DLC1: variants seen among roughly 807,000 people sequenced by gnomAD.
The protein encoded by DLC1 is DLC1 Rho GTPase activating protein.
Under a neutral mutation model 140.3 loss-of-function variants are expected in DLC1, and 54 were observed. That is an observed-to-expected ratio of 0.38 (90% confidence interval 0.31 to 0.48). The LOEUF (loss-of-function observed/expected upper bound fraction) is 0.48, where lower values mean the gene tolerates loss of function less well. Ranked by LOEUF, DLC1 falls within the 20% of genes least tolerant of loss-of-function variation. DLC1 has a pLI of 0.96. For synonymous variants in DLC1, 986 were observed against 728.1 expected (o/e 1.35, Z -5.70); for missense variants, 2,536 against 1,907.0 (o/e 1.33, Z -6.14).
intron 2 of DLC1, among the ~76,000 whole-genome samples, chr8:13,403,257 G>C (rs1585047734): frequency 6.6e-6 from 1 of 152,094 alleles, no homozygotes; most frequent in African/African-American, 2.4e-5. Flanking sequence ...TCTTATAAAG[G>C]GGTCCATGAT....
At chr8:13,227,237 T>C (rs1400118196) in intron 5 of DLC1, among the ~76,000 whole-genome samples, 1 of 152,126 alleles carries the variant, frequency 6.6e-6, no homozygotes, top group African/African-American at 2.4e-5. Flanking sequence ...AAGTGTAGTC[T>C]CACCTAGTGA....
chr8:13,370,188 G>A (rs2117113324), intron 4 of DLC1, among the ~76,000 whole-genome samples: 2 of 151,932 alleles, frequency 1.3e-5, no homozygotes, highest in South Asian at 4.2e-4. Context: ...ATTCTTCCTA[G>A]AGCATATCAT....
intron 5 of DLC1, among the ~76,000 whole-genome samples, chr8:13,195,697 T>G (rs191069266): frequency 6.6e-6 from 1 of 152,326 alleles, no homozygotes; most frequent in Admixed American, 6.5e-5. Flanking sequence ...CAGAAGATTA[T>G]TTTCTAACAT....
At chr8:13,413,462 C>T (rs999829410) in intron 2 of DLC1, among the ~76,000 whole-genome samples, 1 of 148,594 alleles carries the variant, frequency 6.7e-6, no homozygotes, top group African/African-American at 2.5e-5. Flanking sequence ...CAGACACATC[C>T]AATGCAAAAT....
chr8:13,185,292 G>T (rs13268615), intron 5 of DLC1, among the ~76,000 whole-genome samples: 45,832 of 109,406 alleles, frequency 0.42, 8,191 homozygotes, highest in East Asian at 0.61. Context: ...TGTTTTTTTT[G>T]TTTGTTTGTT....
At chr8:13,423,307 A>G (rs1400262190) in intron 2 of DLC1, among the ~76,000 whole-genome samples, 1 of 152,142 alleles carries the variant, frequency 6.6e-6, no homozygotes, top group Non-Finnish European at 1.5e-5. Flanking sequence ...TCTTCCTGTG[A>G]TCCCTACTAC....
intron 5 of DLC1, among the ~76,000 whole-genome samples, chr8:13,132,343 T>A (rs1375793048): frequency 6.7e-6 from 1 of 150,248 alleles, no homozygotes; most frequent in Non-Finnish European, 1.5e-5. Context: ...CCTGGCCAGG[T>A]CTGAGTTAAT....
intron 1 of DLC1, among the ~76,000 whole-genome samples, chr8:13,591,204 T>A (rs1805502865): frequency 6.6e-6 from 1 of 152,122 alleles, no homozygotes. Flanking sequence ...GAAAAATGAT[T>A]ATCACACTCA....
At chr8:13,467,623 T>C (rs1171733736) in intron 2 of DLC1, among the ~76,000 whole-genome samples, 1 of 151,998 alleles carries the variant, frequency 6.6e-6, no homozygotes, top group Non-Finnish European at 1.5e-5. Context: ...CCCAGCTACT[T>C]GGGAGGTTGA....
chr8:13,137,909 T>C (rs1319809267), intron 5 of DLC1, among the ~76,000 whole-genome samples: 1 of 152,064 alleles, frequency 6.6e-6, no homozygotes, highest in South Asian at 2.1e-4. Context: ...GACATCACTT[T>C]CTTGGAGACT....
At chr8:13,445,019 A>G (rs1242675109) in intron 2 of DLC1, among the ~76,000 whole-genome samples, 1 of 152,068 alleles carries the variant, frequency 6.6e-6, no homozygotes. Context: ...GAAAGGTAGG[A>G]GAGACAGAGA....
intron 5 of DLC1, among the ~76,000 whole-genome samples, chr8:13,270,733 C>G (rs148142189): frequency 0.013 from 1,998 of 152,176 alleles, 14 homozygotes; most frequent in East Asian, 0.037. Context: ...TTTACCTTTT[C>G]TTTTCTTTTT....
intron 5 of DLC1, among the ~76,000 whole-genome samples, chr8:13,237,518 G>T (rs1254657870): frequency 6.6e-6 from 1 of 151,722 alleles, no homozygotes; most frequent in African/African-American, 2.4e-5. Flanking sequence ...TTGCATGGAT[G>T]GCTTCTTTAT....
chr8:13,196,229 C>T (rs909493450), intron 5 of DLC1, among the ~76,000 whole-genome samples: 1 of 151,848 alleles, frequency 6.6e-6, no homozygotes, highest in African/African-American at 2.4e-5. Flanking sequence ...CAACTTTATC[C>T]ACAATAATTT....
chr8:13,512,323 T>G (rs934902558), intron 1 of DLC1, among the ~76,000 whole-genome samples: 3 of 152,174 alleles, frequency 2.0e-5, no homozygotes, highest in African/African-American at 4.8e-5. Context: ...GAAAGGGTCT[T>G]GTCTGAGAAG....
At chr8:13,405,700 C>T (rs962666126) in intron 2 of DLC1, among the ~76,000 whole-genome samples, 3 of 152,160 alleles carry the variant, frequency 2.0e-5, no homozygotes, top group African/African-American at 7.2e-5. Context: ...GTTTTTCTTC[C>T]TGTCAATATA....
intron 4 of DLC1, among the ~76,000 whole-genome samples, chr8:13,327,574 G>T (rs1833420083): frequency 6.6e-6 from 1 of 151,878 alleles, no homozygotes; most frequent in African/African-American, 2.4e-5. Flanking sequence ...CCTGTCTCAG[G>T]TTCTCATTGT....
rs59657810 is a variant in DLC1, at chr8:13,280,124, CA to C, written c.1348+25144del. Among the ~76,000 whole-genome samples, 522 of 129,484 alleles carry C rather than the reference CA, an allele frequency of 4.0e-3. 2 individuals are homozygous for C. The highest frequency in any genetic ancestry group is 0.022 in the South Asian group (89 of 3,978). The allele number at this position is 129,484 out of a possible 152,430, so 84.9% of individuals were successfully genotyped here. On this transcript the variant is annotated intron_variant, in intron 5 of 17. Transcript: ENST00000276297. Reference sequence around the variant, plus strand: ...GAAACCCCCGTCTCTACTAAAAATACAAAAAAAAAAAAAATTAGCCGGGCGT... The same window carrying C: ...GAAACCCCCGTCTCTACTAAAAATACAAAAAAAAAAAAATTAGCCGGGCGT...
chr8:13,427,293 G>A (rs1012443621), intron 2 of DLC1, among the ~76,000 whole-genome samples: 1 of 152,010 alleles, frequency 6.6e-6, no homozygotes, highest in Admixed American at 6.6e-5. Context: ...CGGCTCATGG[G>A]GCTCTGTCCC....
Sources: gnomAD v4.1 joint callset for allele counts (sites outside exome capture counted in the v4.1 genomes callset) on GRCh38, gnomAD v4.1.1 for gene constraint, MANE v1.5 for transcripts, NCBI Gene and HGNC (gene_info 2026-07-23, HGNC 2026-07-21) for gene names.